Variants in PRKAR1A observed in about 807,000 individuals in gnomAD.
PRKAR1A encodes the protein protein kinase cAMP-dependent type I regulatory subunit alpha, also known as cAMP-dependent protein kinase type I-alpha regulatory subunit.
In PRKAR1A, 3 loss-of-function variants were observed where a neutral mutation model predicts 52.0. The ratio of observed to expected loss-of-function variants is 0.06; its 90% confidence interval spans 0.03 to 0.15. PRKAR1A has a LOEUF of 0.15. Among genes scored for constraint, PRKAR1A ranks in the 10% least tolerant of loss-of-function variants. The pLI, the probability that PRKAR1A is intolerant of heterozygous loss-of-function variation, is 1.00. For missense variants in PRKAR1A, 240 were observed against 477.4 expected (o/e 0.50, Z 4.63); for synonymous variants, 188 against 168.4 (o/e 1.12, Z -0.90).
chr17:68,491,451 C>A, the PRKAR1A span, among the ~76,000 whole-genome samples: 1 of 152,100 alleles, frequency 6.6e-6, no homozygotes, highest in African/African-American at 2.4e-5. Flanking sequence ...AGACAAGAAG[C>A]CTGTTTTTCA....
the PRKAR1A span, among the ~76,000 whole-genome samples, chr17:68,469,898 G>T: frequency 6.6e-6 from 1 of 151,944 alleles, no homozygotes; most frequent in Admixed American, 6.6e-5. Flanking sequence ...ACAAAACACA[G>T]GGAGAACAGA....
chr17:68,436,864 C>T, the PRKAR1A span, among the ~76,000 whole-genome samples: 1 of 151,958 alleles, frequency 6.6e-6, no homozygotes, highest in Admixed American at 6.6e-5. Flanking sequence ...CATGGTGGTG[C>T]GTGCCTATAG....
chr17:68,489,309 ATGGAAAG>A, the PRKAR1A span, among the ~76,000 whole-genome samples: 4 of 80,458 alleles, frequency 5.0e-5, no homozygotes, highest in Non-Finnish European at 9.0e-5. Context: ...ATATATATAT[ATGGAAAG>A]TATATATATA....
the PRKAR1A span, among the ~76,000 whole-genome samples, chr17:68,473,384 T>A: frequency 6.6e-6 from 1 of 152,094 alleles, no homozygotes. Flanking sequence ...GCTCCAGAAA[T>A]TAAATAAATA....
the PRKAR1A span, among the ~76,000 whole-genome samples, chr17:68,437,109 C>T: frequency 2.0e-5 from 3 of 151,858 alleles, no homozygotes; most frequent in Non-Finnish European, 2.9e-5. Flanking sequence ...ATTCCATTAT[C>T]CTCTAGGGTT....
At chr17:68,426,165 C>T in the PRKAR1A span, 7 of 1,593,476 alleles carry the variant, frequency 4.4e-6, no homozygotes, top group Non-Finnish European at 6.0e-6. Context: ...CCCCGCCGTC[C>T]TCAGAATAAC....
intron 11 of PRKAR1A, among the ~76,000 whole-genome samples, chr17:68,547,286 T>A (rs532269123): frequency 1.3e-5 from 2 of 152,184 alleles, no homozygotes; most frequent in Non-Finnish European, 2.9e-5. Flanking sequence ...TATTTTTTTA[T>A]TATACTTTAA....
intron 11 of PRKAR1A, among the ~76,000 whole-genome samples, chr17:68,546,716 G>A (rs982581843): frequency 6.6e-6 from 1 of 151,702 alleles, no homozygotes; most frequent in African/African-American, 2.4e-5. Flanking sequence ...TGTAGTCCCA[G>A]CCACTCGGGA....
intron 5 of PRKAR1A, 75 bp downstream of exon 5, chr17:68,524,152 A>T (rs2085708910): frequency 2.0e-6 from 3 of 1,501,860 alleles, no homozygotes; most frequent in Non-Finnish European, 2.8e-6. Context: ...GTTTTGTTTT[A>T]TTGAAGTTTG....
In PRKAR1A at chr17:68,542,871, T is replaced by C. The variant is rs9910528; in HGVS notation, c.974-8213T>C. On this transcript the variant is annotated intron_variant, in intron 11 of 11. Coordinates refer to the PRKAR1A transcript ENST00000585981. The stretch of plus-strand genomic sequence containing the variant: ...ATCAGGGAGTGAGGAGGAGGGGTTT[T>C]GTCCCCCGGCCAGTGCACATTAGGA... 3.9e-3 allele frequency: 5,149 copies of C among 1,319,420 alleles called. 155 individuals carry two copies. In the African/African-American group the frequency reaches 0.064, roughly 16 times the overall value. The allele number at this position is 1,319,420 out of a possible 1,614,324, so 81.7% of individuals were successfully genotyped here.
the PRKAR1A span, among the ~76,000 whole-genome samples, chr17:68,493,332 G>A: frequency 6.6e-6 from 1 of 152,130 alleles, no homozygotes; most frequent in African/African-American, 2.4e-5. Flanking sequence ...GGAACAAAAG[G>A]AAGGAAAATA....
At chr17:68,466,702 G>C in the PRKAR1A span, among the ~76,000 whole-genome samples, 78 of 152,078 alleles carry the variant, frequency 5.1e-4, no homozygotes, top group Middle Eastern at 3.4e-3. Context: ...GTGAGTCACC[G>C]TGCCCAACCA....
the PRKAR1A span, among the ~76,000 whole-genome samples, chr17:68,456,150 G>A: frequency 2.6e-5 from 4 of 152,220 alleles, no homozygotes; most frequent in Non-Finnish European, 4.4e-5. Context: ...ATTGTGGATT[G>A]TGGTCAAGAA....
intron 11 of PRKAR1A, among the ~76,000 whole-genome samples, chr17:68,538,708 T>A (rs1186945200): frequency 1.3e-5 from 2 of 152,154 alleles, no homozygotes; most frequent in Non-Finnish European, 2.9e-5. Flanking sequence ...AAAGCAGAGG[T>A]CTGATTAGTA....
At chr17:68,535,620 A>C (rs1460267304), downstream of PRKAR1A, 1 of 454,088 alleles carries the variant, frequency 2.2e-6, no homozygotes, top group Non-Finnish European at 4.4e-6. Flanking sequence ...ACAGTTAAGG[A>C]AATCTTTGGG....
the PRKAR1A span, among the ~76,000 whole-genome samples, chr17:68,445,914 C>T: frequency 5.3e-5 from 8 of 152,282 alleles, no homozygotes; most frequent in Non-Finnish European, 1.0e-4. Context: ...GGGCTCTCCC[C>T]GGAGATTCTG....
the PRKAR1A span, among the ~76,000 whole-genome samples, chr17:68,436,854 C>A: frequency 6.6e-6 from 1 of 152,004 alleles, no homozygotes; most frequent in Non-Finnish European, 1.5e-5. Flanking sequence ...AATAGCTGGG[C>A]ATGGTGGTGC....
At chr17:68,432,651 T>C in the PRKAR1A span, among the ~76,000 whole-genome samples, 1 of 152,102 alleles carries the variant, frequency 6.6e-6, no homozygotes, top group South Asian at 2.1e-4. Flanking sequence ...ATCAGCGTGA[T>C]ATGGTGCCCA....
intron 11 of PRKAR1A, chr17:68,540,060 C>T: frequency 1.9e-6 from 2 of 1,069,634 alleles, no homozygotes; most frequent in South Asian, 2.6e-5. Context: ...GGCCTGTCAT[C>T]ACTTGAGAGA....
Sources: gnomAD v4.1 joint callset for allele counts (sites outside exome capture counted in the v4.1 genomes callset) on GRCh38, gnomAD v4.1.1 for gene constraint, MANE v1.5 for transcripts, NCBI Gene and HGNC (gene_info 2026-07-23, HGNC 2026-07-21) for gene names.